GALNT10: variants seen among roughly 807,000 people sequenced by gnomAD.
GALNT10 encodes the protein GalNAc transferase 10.
GALNT10 carries 41 observed loss-of-function variants against 75.0 expected under a neutral mutation model. The observed-to-expected ratio is 0.55, with a 90% CI of 0.43 to 0.71. The LOEUF is 0.71. Among genes scored for constraint, GALNT10 ranks in the 30% least tolerant of loss-of-function variants. The probability of loss-of-function intolerance (pLI) is 0.00; values close to 1 mark genes in which losing one functional copy is unlikely to be tolerated. For missense variants in GALNT10, 727 were observed against 818.5 expected (o/e 0.89, Z 1.36); for synonymous variants, 302 against 313.0 (o/e 0.96, Z 0.37).
At chr5:154,292,571 A>G (rs1754209898) in intron 1 of GALNT10, among the ~76,000 whole-genome samples, 1 of 152,236 alleles carries the variant, frequency 6.6e-6, no homozygotes, top group African/African-American at 2.4e-5. Context: ...CAACCTTGAC[A>G]TCACAGAAGC....
chr5:154,398,796 C>T (rs1756099187), intron 7 of GALNT10, among the ~76,000 whole-genome samples: 1 of 152,218 alleles, frequency 6.6e-6, no homozygotes, highest in South Asian at 2.1e-4. Context: ...CTCTTGGTCA[C>T]TTGCAGGTTT....
intron 6 of GALNT10, among the ~76,000 whole-genome samples, chr5:154,385,480 T>C (rs1354086613): frequency 1.3e-5 from 2 of 152,156 alleles, no homozygotes; most frequent in Non-Finnish European, 2.9e-5. Context: ...CCTCATTCCT[T>C]GACCCTTGCC....
intron 3 of GALNT10, among the ~76,000 whole-genome samples, chr5:154,327,870 G>A (rs2113115417): frequency 6.6e-6 from 1 of 152,198 alleles, no homozygotes; most frequent in Middle Eastern, 3.4e-3. Context: ...GTCTCCTAAG[G>A]GATCCCTGTA....
intron 7 of GALNT10, among the ~76,000 whole-genome samples, chr5:154,391,787 A>G (rs78513778): frequency 3.9e-5 from 6 of 152,184 alleles, no homozygotes; most frequent in Admixed American, 1.3e-4. Flanking sequence ...GTCTCTCTCA[A>G]TGCCTAGTCC....
At position 154,339,208 on chromosome 5, in the gene GALNT10, T is replaced by C. The variant is rs539089670; in HGVS notation, c.568+9470T>C. 1.9e-4 allele frequency among the ~76,000 whole-genome samples: 29 copies of C among 152,320 alleles called. 1 individual carries two copies. Among genetic ancestry groups the C allele is most frequent in the African/African-American group, 5.8e-4 (24 of 41,582 alleles). ...TTGGGAATCACATTGACAGAAGAGA[T>C]TGATCATCCCCACAATGGGCTCAGT... On this transcript the variant is annotated intron_variant, in intron 4 of 11. Coordinates refer to ENST00000297107, the MANE Select transcript of GALNT10 (RefSeq NM_198321.4).
chr5:154,378,338 C>CATCATCATCATCATG (rs1438415216), intron 5 of GALNT10, among the ~76,000 whole-genome samples: 1 of 152,090 alleles, frequency 6.6e-6, no homozygotes, highest in Non-Finnish European at 1.5e-5. Context: ...TCATCATCAT[C>CATCATCATCATCATG]ATCATTATCA....
chr5:154,291,561 C>A (rs1754195597), intron 1 of GALNT10, among the ~76,000 whole-genome samples: 1 of 152,136 alleles, frequency 6.6e-6, no homozygotes, highest in South Asian at 2.1e-4. Context: ...CTATTCCTGG[C>A]CACTTCTAAT....
chr5:154,238,434 G>A (rs1272867261), intron 1 of GALNT10, among the ~76,000 whole-genome samples: 1 of 152,106 alleles, frequency 6.6e-6, no homozygotes, highest in Admixed American at 6.5e-5. Context: ...ACATTAATAT[G>A]CAGATTGAAT....
intron 1 of GALNT10, among the ~76,000 whole-genome samples, chr5:154,251,506 C>T (rs1331034922): frequency 6.6e-6 from 1 of 152,126 alleles, no homozygotes; most frequent in African/African-American, 2.4e-5. Flanking sequence ...GCAGCTGGAT[C>T]CAGAGACTTG....
chr5:154,414,712 T>C (rs1756470779), intron 10 of GALNT10, among the ~76,000 whole-genome samples: 1 of 152,192 alleles, frequency 6.6e-6, no homozygotes, highest in Admixed American at 6.5e-5. Context: ...TATCAAATTG[T>C]ACACTTTAAA....
At position 154,297,976 on chromosome 5, in the gene GALNT10, G is replaced by A. The variant is rs748567978; in HGVS notation, c.298G>A (p.Asp100Asn). Reference protein sequence around the residue: ...GEQGRPYPMTDAERVDQAYRE... With the variant: ...GEQGRPYPMTNAERVDQAYRE... Reference sequence around the variant, plus strand: ...ACAAGGAAGACCTTACCCCATGACCGATGCTGAGAGAGTGGATCAGGCATA... The same window carrying A: ...ACAAGGAAGACCTTACCCCATGACCAATGCTGAGAGAGTGGATCAGGCATA... Residue 100 changes from aspartate (D) to asparagine (N), a missense_variant, in exon 3 of 12, where the codon GAT (aspartate) becomes AAT (asparagine). Transcript: ENST00000297107. The A allele has an allele frequency of 3.2e-5, 51 of 1,613,484 alleles. No homozygotes were observed. The South Asian group carries it at 4.7e-4, about 15-fold the overall frequency.
At chr5:154,406,027 C>T (rs1756274299) in intron 8 of GALNT10, 1 of 151,972 alleles carries the variant, frequency 6.6e-6, no homozygotes, top group Admixed American at 6.6e-5. Context: ...AAGCATTTTA[C>T]TTATCTCACT....
chr5:154,278,145 G>C (rs1346507333), intron 1 of GALNT10, among the ~76,000 whole-genome samples: 3 of 152,206 alleles, frequency 2.0e-5, no homozygotes, highest in Admixed American at 2.0e-4. Context: ...TTCCAAGTTA[G>C]TATGTCAGTT....
At chr5:154,262,532 A>G (rs147653270) in intron 1 of GALNT10, among the ~76,000 whole-genome samples, 1 of 152,296 alleles carries the variant, frequency 6.6e-6, no homozygotes, top group Non-Finnish European at 1.5e-5. Context: ...GGCCACTTGA[A>G]GCAGGTACTC....
At chr5:154,193,846 A>G (rs1257623270) in intron 1 of GALNT10, among the ~76,000 whole-genome samples, 1 of 152,252 alleles carries the variant, frequency 6.6e-6, no homozygotes, top group Non-Finnish European at 1.5e-5. Context: ...TCATCCTGGG[A>G]GTACCTCTGG....
chr5:154,270,991 C>CAA lies in GALNT10; in HGVS notation c.160-23805_160-23804dup, dbSNP rs5872366. ...CCAGGGTGACAGCAAGATTCCATCT[C>CAA]AAAAAAAAAAAAAAAAAAAAAGGGA... On this transcript the variant is annotated intron_variant, in intron 1 of 11. Coordinates refer to ENST00000297107, the MANE Select transcript of GALNT10 (RefSeq NM_198321.4). 2.3e-3 allele frequency among the ~76,000 whole-genome samples: 172 copies of CAA among 76,060 alleles called. 2 individuals carry two copies. Among genetic ancestry groups the CAA allele is most frequent in the African/African-American group, 7.5e-3 (150 of 20,062 alleles). 49.9% of individuals were successfully genotyped at this position (76,060 alleles called of 152,430 possible).
chr5:154,273,717 C>T (rs7731823), intron 1 of GALNT10, among the ~76,000 whole-genome samples: 56 of 152,298 alleles, frequency 3.7e-4, no homozygotes, highest in African/African-American at 1.3e-3. Context: ...GCATCTTTCA[C>T]CATGTGCCTT....
chr5:154,393,677 G>C (rs1755954856), intron 7 of GALNT10, among the ~76,000 whole-genome samples: 1 of 151,990 alleles, frequency 6.6e-6, no homozygotes, highest in Non-Finnish European at 1.5e-5. Context: ...CTAAAAAAAA[G>C]TTCTTTTAAT....
chr5:154,222,614 C>T (rs1752999780), intron 1 of GALNT10, among the ~76,000 whole-genome samples: 1 of 152,194 alleles, frequency 6.6e-6, no homozygotes, highest in South Asian at 2.1e-4. Context: ...TCCGCATCCT[C>T]ACCAACACTT....
Sources: gnomAD v4.1 joint callset for allele counts (sites outside exome capture counted in the v4.1 genomes callset) on GRCh38, gnomAD v4.1.1 for gene constraint, MANE v1.5 for transcripts, NCBI Gene and HGNC (gene_info 2026-07-23, HGNC 2026-07-21) for gene names.